Variants in TMEM217B observed in about 807,000 individuals in gnomAD.
TMEM217B encodes transmembrane protein 217B.
the TMEM217B span, among the ~76,000 whole-genome samples, chr6:37,213,531 CA>C: frequency 6.6e-6 from 1 of 152,236 alleles, no homozygotes; most frequent in Non-Finnish European, 1.5e-5. Context: ...GTTTGGCCAG[CA>C]GGAATGGAAT....
the TMEM217B span, among the ~76,000 whole-genome samples, chr6:37,247,728 T>A: frequency 6.6e-6 from 1 of 152,108 alleles, no homozygotes; most frequent in Non-Finnish European, 1.5e-5. Context: ...AGCTTAATCC[T>A]GTGAAAAAAA....
chr6:37,218,371 A>C, the TMEM217B span: 1 of 1,396,258 alleles, frequency 7.2e-7, no homozygotes, highest in South Asian at 1.3e-5. Context: ...GGGTTTTGCC[A>C]TGGCTGCCAA....
chr6:37,243,272 G>C, the TMEM217B span, among the ~76,000 whole-genome samples: 1 of 152,264 alleles, frequency 6.6e-6, no homozygotes, highest in South Asian at 2.1e-4. Context: ...TTATAAATTC[G>C]GTTGGCCAGA....
the TMEM217B span, chr6:37,219,065 G>C: frequency 6.3e-7 from 1 of 1,578,908 alleles, no homozygotes; most frequent in South Asian, 1.1e-5. Context: ...CAACATGAGG[G>C]AGAATTCTAG....
At chr6:37,252,635 ATATTTTTTTTTTT>A in the TMEM217B span, among the ~76,000 whole-genome samples, 1 of 60,384 alleles carries the variant, frequency 1.7e-5, no homozygotes, top group Non-Finnish European at 3.4e-5. Context: ...ATATATATAT[ATATTTTTTTTTTT>A]TTTTTTTTTT....
the TMEM217B span, chr6:37,218,745 T>C: frequency 1.2e-6 from 2 of 1,614,188 alleles, no homozygotes; most frequent in South Asian, 1.1e-5. Context: ...ACAATGTAGA[T>C]GACCAGGCCC....
chr6:37,231,542 G>A, the TMEM217B span, among the ~76,000 whole-genome samples: 7 of 149,956 alleles, frequency 4.7e-5, no homozygotes, highest in African/African-American at 7.3e-5. Flanking sequence ...TCATGGTGGC[G>A]TGCACCTGTA....
chr6:37,257,819 G>A, the TMEM217B span: 1 of 1,369,482 alleles, frequency 7.3e-7, no homozygotes, highest in Non-Finnish European at 1.0e-6. Flanking sequence ...GACCGGCGGC[G>A]GGGAAGCGGC....
the TMEM217B span, chr6:37,218,312 G>A: frequency 1.7e-6 from 2 of 1,168,176 alleles, no homozygotes; most frequent in Non-Finnish European, 2.3e-6. Context: ...GGGATTACAG[G>A]TGTGTGCCGC....
At chr6:37,242,434 T>C in the TMEM217B span, among the ~76,000 whole-genome samples, 1 of 152,226 alleles carries the variant, frequency 6.6e-6, no homozygotes, top group Non-Finnish European at 1.5e-5. Context: ...TTTCTTTGCC[T>C]TTAAGAGCCT....
the TMEM217B span, chr6:37,215,353 G>T: frequency 1.3e-6 from 2 of 1,532,620 alleles, no homozygotes; most frequent in South Asian, 1.2e-5. Flanking sequence ...GAGGCAGGCG[G>T]ATCACGAGGT....
the TMEM217B span, chr6:37,218,299 G>A: frequency 8.4e-7 from 1 of 1,191,326 alleles, no homozygotes; most frequent in Non-Finnish European, 1.1e-6. Flanking sequence ...CTCTCAAGTG[G>A]CTGGGATTAC....
At chr6:37,219,733 A>C in the TMEM217B span, among the ~76,000 whole-genome samples, 3 of 143,260 alleles carry the variant, frequency 2.1e-5, no homozygotes, top group Non-Finnish European at 3.1e-5. Flanking sequence ...CCCTATATCC[A>C]AAAAAAAAAA....
At chr6:37,235,613 A>G in the TMEM217B span, among the ~76,000 whole-genome samples, 2 of 44,222 alleles carry the variant, frequency 4.5e-5, no homozygotes, top group Non-Finnish European at 1.2e-4. Flanking sequence ...TGATCCGTCC[A>G]CCTTGGCCTC....
At chr6:37,239,407 C>T in the TMEM217B span, among the ~76,000 whole-genome samples, 4 of 150,962 alleles carry the variant, frequency 2.6e-5, no homozygotes, top group African/African-American at 7.3e-5. Flanking sequence ...CCCAGGAGGC[C>T]GAGGCTGCAG....
chr6:37,235,728 C>G, the TMEM217B span, among the ~76,000 whole-genome samples: 2 of 152,190 alleles, frequency 1.3e-5, no homozygotes, highest in Admixed American at 1.3e-4. Context: ...GCATTAGTGT[C>G]TGGTGAGGAC....
the TMEM217B span, chr6:37,218,326 G>A: frequency 5.1e-6 from 6 of 1,174,168 alleles, no homozygotes; most frequent in South Asian, 3.2e-5. Flanking sequence ...GTGCCGCCAC[G>A]CCTGGCTAAT....
the TMEM217B span, chr6:37,218,891 G>T: frequency 1.2e-6 from 2 of 1,614,142 alleles, no homozygotes; most frequent in Non-Finnish European, 1.7e-6. Flanking sequence ...CCTGTACTTT[G>T]GTGTGATCTC....
chr6:37,215,607 G>C, the TMEM217B span, among the ~76,000 whole-genome samples: 1 of 113,482 alleles, frequency 8.8e-6, no homozygotes, highest in East Asian at 2.4e-4. Flanking sequence ...AAAAAGAAAA[G>C]AAAAAAGAAA....
Sources: gnomAD v4.1 joint callset for allele counts (sites outside exome capture counted in the v4.1 genomes callset) on GRCh38, gnomAD v4.1.1 for gene constraint, MANE v1.5 for transcripts, NCBI Gene and HGNC (gene_info 2026-07-23, HGNC 2026-07-21) for gene names.